Variants in ARHGEF4 observed in about 807,000 individuals in gnomAD.
ARHGEF4 encodes APC-stimulated guanine nucleotide exchange factor 1.
ARHGEF4 carries 119 observed loss-of-function variants against 162.0 expected under a neutral mutation model. That is an observed-to-expected ratio of 0.73 (90% CI 0.63 to 0.86). The LOEUF is 0.86. Ranked by LOEUF, ARHGEF4 falls within the 40% of genes least tolerant of loss-of-function variation. The probability of loss-of-function intolerance (pLI) is 0.00; values close to 1 mark genes in which losing one functional copy is unlikely to be tolerated. For synonymous variants in ARHGEF4, 1,014 were observed against 979.9 expected (o/e 1.03, Z -0.65); for missense variants, 2,488 against 2,456.0 (o/e 1.01, Z -0.28).
chr2:130,916,219 G>A lies in ARHGEF4; in HGVS notation c.2273G>A (p.Gly758Asp). The A allele has an allele frequency of 2.6e-6, 4 of 1,543,494 alleles. No individual in the cohort carries two copies. Among genetic ancestry groups the A allele is most frequent in the Non-Finnish European group, 3.5e-6 (4 of 1,144,858 alleles). Residue 758 changes from glycine (G) to aspartate (D), a missense_variant, in exon 2 of 14, where the codon GGT becomes GAT. Gly to Asp is a moderately conservative substitution (Grantham distance 94). This residue lies in a region of ARHGEF4 where 1,642 missense variants were observed against 1,481.5 expected (regional missense o/e 1.11). Transcript: ENST00000409359. ...GGCCCGGAGGAGGCCCCCGAAGGCG[G>A]TGCTGCAGCAGCCCGGGGCCAGCGC... ...ERGPEEAPEG[G>D]AAAARGQRPR...
At chr2:131,041,740 G>A (rs919577619) in intron 9 of ARHGEF4, 75 bp from the exon 10 acceptor site, 26 of 1,557,332 alleles carry the variant, frequency 1.7e-5, no homozygotes, top group East Asian at 2.3e-5. Flanking sequence ...AGCTCCACAC[G>A]TGGGGGCTGC....
chr2:130,851,703 G>C (rs1681426817), intron 1 of ARHGEF4, among the ~76,000 whole-genome samples: 1 of 152,246 alleles, frequency 6.6e-6, no homozygotes, highest in Non-Finnish European at 1.5e-5. Flanking sequence ...CCTTCTGACT[G>C]CTGCTGTCCT....
chr2:130,928,990 T>A (rs1247159448), intron 2 of ARHGEF4, among the ~76,000 whole-genome samples: 1 of 152,146 alleles, frequency 6.6e-6, no homozygotes, highest in East Asian at 1.9e-4. Context: ...AGACACAAAT[T>A]GCCAACCATT....
intron 5 of ARHGEF4, among the ~76,000 whole-genome samples, chr2:131,029,587 G>A (rs1336436796): frequency 6.9e-6 from 1 of 144,296 alleles, no homozygotes; most frequent in African/African-American, 2.7e-5. Context: ...TCTCACTCTT[G>A]TCGCCCAGGC....
rs1255357688 is a variant in ARHGEF4 at position 131,041,452 on chromosome 2, C to A, written c.4885C>A (p.Pro1629Thr). 26 of 1,612,178 alleles carry A rather than the reference C, an allele frequency of 1.6e-5. No individual in the cohort carries two copies. Among genetic ancestry groups the A allele is most frequent in the Non-Finnish European group, 2.2e-5 (26 of 1,179,734 alleles). ...GGCCGAGCTGCTCAAATACACGCAC[C>A]CCCAGCACAGGTAGGAGGGCACTGA... The part of the protein sequence containing the change: ...QLAELLKYTH[P>T]QHRDFKDVEA... The change falls in exon 9 of 14, where the codon CCC (proline) becomes ACC (threonine). Residue 1629 changes from proline to threonine, a missense_variant. By Grantham distance (38) the Pro-to-Thr change is conservative (BLOSUM62 -1). Around this residue, in one of 6 missense-constraint regions of ARHGEF4, gnomAD observed 415 missense variants for 512.4 expected, o/e 0.81. Coordinates refer to ENST00000409359, the MANE Select transcript of ARHGEF4 (RefSeq NM_001367493.1).
rs140571701 is a variant in ARHGEF4, at chr2:130,920,472, A to G, written c.3552+2974A>G. On this transcript the variant is annotated intron_variant, in intron 2 of 13. Transcript: ENST00000409359. ...TTACTGGAGAAGAGGAAGGCCTAGT[A>G]CACTGCGCCATCAGACCACAGACAG... Among the ~76,000 whole-genome samples, 938 of 152,296 alleles carry G rather than the reference A, an allele frequency of 6.2e-3. 13 individuals are homozygous for G. Among genetic ancestry groups the G allele is most frequent in the African/African-American group, 0.021 (875 of 41,556 alleles).
rs571815422 is a variant in ARHGEF4, at chr2:130,837,127, C to T, written c.39+135C>T. ...GGTGGGTGGGGACACCCTCGTGGCT[C>T]CCCGCCGCTCCCAACTTTCCGACGT... On this transcript the variant is annotated intron_variant, in intron 1 of 13. Coordinates refer to ENST00000409359, the MANE Select transcript of ARHGEF4 (RefSeq NM_001367493.1). The T allele has an allele frequency of 1.6e-3, 1,272 of 794,226 alleles. 4 individuals are homozygous for T. Among genetic ancestry groups the T allele is most frequent in the Non-Finnish European group, 2.0e-3 (1,163 of 593,200 alleles). 49.2% of individuals were successfully genotyped at this position (794,226 alleles called of 1,614,324 possible). A position where few individuals can be genotyped will look rare whatever the true frequency, so the allele number is the denominator to read the frequency against.
intron 1 of ARHGEF4, among the ~76,000 whole-genome samples, chr2:130,890,725 G>A (rs1015511494): frequency 1.3e-5 from 2 of 151,968 alleles, no homozygotes; most frequent in Non-Finnish European, 2.9e-5. Context: ...AAATTTTTAG[G>A]AATTTTAATT....
At chr2:130,911,512 A>C (rs1207851234) in intron 1 of ARHGEF4, among the ~76,000 whole-genome samples, 1 of 152,218 alleles carries the variant, frequency 6.6e-6, no homozygotes, top group Non-Finnish European at 1.5e-5. Context: ...GAATCAACTC[A>C]GGAAGAAAGT....
chr2:130,931,292 G>T (rs1484469334), intron 3 of ARHGEF4, 35 bp downstream of exon 3: 1 of 1,551,042 alleles, frequency 6.4e-7, no homozygotes, highest in Non-Finnish European at 8.7e-7. Flanking sequence ...CTCAGACTTG[G>T]TCTGGTATCC....
intron 3 of ARHGEF4, among the ~76,000 whole-genome samples, chr2:130,938,663 T>G (rs1176757611): frequency 6.6e-6 from 1 of 152,188 alleles, no homozygotes; most frequent in Non-Finnish European, 1.5e-5. Flanking sequence ...ATTTGTGGTT[T>G]ACAAACATTA....
intron 2 of ARHGEF4, among the ~76,000 whole-genome samples, chr2:130,921,724 C>T (rs573747564): frequency 1.3e-5 from 2 of 152,110 alleles, no homozygotes; most frequent in Admixed American, 6.5e-5. Flanking sequence ...CCAAGTCCCC[C>T]TCTGTCACCC....
At position 131,046,063 on chromosome 2, in the gene ARHGEF4, G is replaced by A. The variant is rs752204879; in HGVS notation, c.5505G>A (p.Thr1835=). Residue 1835 remains threonine (T), a synonymous_variant, in exon 14 of 14, where the codon ACG becomes ACA. Transcript: ENST00000409359. Reference sequence around the variant, plus strand: ...CTGTTGGCCGGCCCTGCTACCTGACGCGCCAGAAGCACCCAGCCCTGCCCA... The same window carrying A: ...CTGTTGGCCGGCCCTGCTACCTGACACGCCAGAAGCACCCAGCCCTGCCCA... ...PKAVGRPCYL[T]RQKHPALPSN... 1.5e-5 allele frequency: 24 copies of A among 1,611,866 alleles called. No individual in the cohort carries two copies. The highest frequency in any genetic ancestry group is 6.7e-5 in the African/African-American group (5 of 74,928).
At chr2:130,940,486 G>A (rs954770923) in intron 3 of ARHGEF4, among the ~76,000 whole-genome samples, 6 of 151,440 alleles carry the variant, frequency 4.0e-5, no homozygotes, top group Non-Finnish European at 7.4e-5. Flanking sequence ...TAGTAGAGAC[G>A]GGATTTCACC....
intron 5 of ARHGEF4, 98 bp downstream of exon 5, chr2:131,028,182 C>G: frequency 6.8e-7 from 1 of 1,475,872 alleles, no homozygotes; most frequent in African/African-American, 1.4e-5. Context: ...AGTCCACGTT[C>G]CATGTGGCTG....
At chr2:130,989,721 A>T (rs1686812690) in intron 4 of ARHGEF4, among the ~76,000 whole-genome samples, 1 of 152,034 alleles carries the variant, frequency 6.6e-6, no homozygotes. Context: ...TGCTGGTATG[A>T]TTTGTGAGTG....
At chr2:131,015,080 A>G (rs1227509169) in intron 4 of ARHGEF4, among the ~76,000 whole-genome samples, 1 of 152,178 alleles carries the variant, frequency 6.6e-6, no homozygotes, top group Non-Finnish European at 1.5e-5. Flanking sequence ...AGTCACACAC[A>G]CAGCAGAAGG....
Position 130,916,936 on chromosome 2 carries a change from G to T in ARHGEF4, c.2990G>T (p.Gly997Val). ...HCEERAEDKE[G>V]YVFSDHWAPP... ...GAGGAACGGGCGGAGGACAAAGAGG[G>T]CTATGTTTTTAGCGATCACTGGGCA... The change falls in exon 2 of 14, where the codon GGC (glycine) becomes GTC (valine). Residue 997 changes from glycine (G) to valine (V), a missense_variant. Gly to Val is a moderately radical substitution (Grantham distance 109). Coordinates refer to ENST00000409359, the MANE Select transcript of ARHGEF4 (RefSeq NM_001367493.1). The T allele has an allele frequency of 6.4e-7, 1 of 1,550,704 alleles. No individual in the cohort carries two copies. The highest frequency in any genetic ancestry group is 8.7e-7 in the Non-Finnish European group (1 of 1,147,044).
intron 4 of ARHGEF4, among the ~76,000 whole-genome samples, chr2:131,006,331 T>C (rs1188079442): frequency 6.6e-6 from 1 of 152,208 alleles, no homozygotes; most frequent in African/African-American, 2.4e-5. Flanking sequence ...CCCTTTGACC[T>C]ACAGAAACAG....
Sources: allele counts gnomAD v4.1 joint callset (sites outside exome capture counted in the v4.1 genomes callset), GRCh38; gene constraint gnomAD v4.1.1; regional missense constraint gnomAD v4.1.1; transcripts MANE v1.5; gene names NCBI Gene and HGNC (gene_info 2026-07-23, HGNC 2026-07-21).